Variants in CHODL observed in about 807,000 individuals in gnomAD.
CHODL encodes the protein transmembrane protein MT75.
In CHODL, 29 loss-of-function variants were observed where a neutral mutation model predicts 34.5. The ratio of observed to expected loss-of-function variants is 0.84; its 90% CI spans 0.63 to 1.15. CHODL has a LOEUF of 1.15. Ranked by LOEUF, CHODL falls within the 50% of genes most tolerant of loss-of-function variation. CHODL has a pLI of 0.00. For synonymous variants in CHODL, 125 were observed against 116.1 expected (o/e 1.08, Z -0.49); for missense variants, 332 against 332.5 (o/e 1.00, Z 0.01).
chr21:18,094,330 C>G (rs1010346913), intron 2 of CHODL, among the ~76,000 whole-genome samples: 1 of 152,106 alleles, frequency 6.6e-6, no homozygotes, highest in Non-Finnish European at 1.5e-5. Flanking sequence ...AACAAAGAAG[C>G]TTTGGACTTA....
intron 1 of CHODL, among the ~76,000 whole-genome samples, chr21:18,003,105 C>G (rs1184004766): frequency 7.0e-6 from 1 of 142,918 alleles, no homozygotes; most frequent in Admixed American, 7.2e-5. Context: ...GCCTGGGCGA[C>G]AGCGAGACTC....
In CHODL at chr21:18,003,136, C is replaced by CAAA. The variant is rs148355768; in HGVS notation, c.-144-24728_-144-24726dup. On this transcript the variant is annotated intron_variant, in intron 1 of 6. Coordinates refer to the CHODL transcript ENST00000400127. Reference sequence around the variant, plus strand: ...GACTCCGTCTCAAAAAAAAAAAAAACAAAAAAAAAACCCAAGAGCCCTGGA... The same window carrying CAAA: ...GACTCCGTCTCAAAAAAAAAAAAAACAAAAAAAAAAAAACCCAAGAGCCCTGGA... Among the ~76,000 whole-genome samples the CAAA allele has an allele frequency of 5.4e-3, 755 of 141,046 alleles. 7 individuals carry two copies. The highest frequency in any genetic ancestry group is 0.019 in the African/African-American group (730 of 38,072). The allele number at this position is 141,046 out of a possible 152,430, so 92.5% of individuals were successfully genotyped here. A position where few individuals can be genotyped will look rare whatever the true frequency, so the allele number is the denominator to read the frequency against.
At chr21:17,993,182 A>G (rs446138) in intron 1 of CHODL, among the ~76,000 whole-genome samples, 71,053 of 151,870 alleles carry the variant, frequency 0.47, 17,349 homozygotes, top group South Asian at 0.67. Flanking sequence ...TATTTCATAC[A>G]TGGCTTTTAT....
intron 1 of CHODL, among the ~76,000 whole-genome samples, chr21:17,962,996 G>A (rs111533871): frequency 0.025 from 3,804 of 151,694 alleles, 98 homozygotes; most frequent in Middle Eastern, 0.054. Context: ...CCCGGGAGGC[G>A]GAGCTTGCAG....
At chr21:18,083,714 G>T (rs1182113591) in intron 2 of CHODL, among the ~76,000 whole-genome samples, 1 of 152,186 alleles carries the variant, frequency 6.6e-6, no homozygotes, top group African/African-American at 2.4e-5. Context: ...CTTTGGACTT[G>T]CATGGGGCAT....
intron 1 of CHODL, among the ~76,000 whole-genome samples, chr21:17,977,073 C>G (rs1036912692): frequency 9.9e-5 from 15 of 152,264 alleles, no homozygotes; most frequent in African/African-American, 3.6e-4. Context: ...CAGAAGGGAT[C>G]AAGGTGGATT....
At chr21:18,020,012 A>G (rs949496828) in intron 1 of CHODL, among the ~76,000 whole-genome samples, 4 of 152,148 alleles carry the variant, frequency 2.6e-5, no homozygotes, top group Non-Finnish European at 5.9e-5. Context: ...CTCTTTCTCT[A>G]CTGGAAGGAC....
chr21:17,991,704 A>G lies in CHODL; in HGVS notation c.-144-36168A>G, dbSNP rs373427016. On this transcript the variant is annotated intron_variant, in intron 1 of 6. Coordinates refer to the CHODL transcript ENST00000400127. ...TGTGGGGAGGTGTTGAGTTGTTTGC[A>G]TTTCTTATATATTCTGAATATCAAT... Among the ~76,000 whole-genome samples the G allele has an allele frequency of 4.6e-5, 6 of 129,574 alleles. 1 individual carries two copies. Among genetic ancestry groups the G allele is most frequent in the Admixed American group, 1.6e-4 (2 of 12,210 alleles). The allele number at this position is 129,574 out of a possible 152,430, so 85.0% of individuals were successfully genotyped here. A position where few individuals can be genotyped will look rare whatever the true frequency, so the allele number is the denominator to read the frequency against.
chr21:18,091,355 C>A (rs569226709), intron 2 of CHODL, among the ~76,000 whole-genome samples: 1 of 152,156 alleles, frequency 6.6e-6, no homozygotes, highest in Non-Finnish European at 1.5e-5. Context: ...TAAGGTGGCA[C>A]GTGACCTAGG....
chr21:18,157,649 A>T (rs548308335), intron 2 of CHODL, among the ~76,000 whole-genome samples: 8 of 152,226 alleles, frequency 5.3e-5, no homozygotes, highest in African/African-American at 1.9e-4. Flanking sequence ...AAACTGTCTC[A>T]TCATCTCTAG....
chr21:18,011,803 T>C (rs1244105607), intron 1 of CHODL, among the ~76,000 whole-genome samples: 1 of 152,234 alleles, frequency 6.6e-6, no homozygotes, highest in Non-Finnish European at 1.5e-5. Context: ...AATGACACTT[T>C]GGTGAAGCAG....
chr21:18,071,723 TTCTATTACATTTC>T (rs1377336715), intron 2 of CHODL, among the ~76,000 whole-genome samples: 2 of 149,010 alleles, frequency 1.3e-5, no homozygotes, highest in African/African-American at 5.2e-5. Context: ...TCATTTCTAT[TTCTATTACATTTC>T]TATTTCTATT....
At chr21:18,143,181 C>T (rs79943493) in intron 2 of CHODL, among the ~76,000 whole-genome samples, 1,527 of 152,218 alleles carry the variant, frequency 0.01, 16 homozygotes, top group Non-Finnish European at 0.017. Context: ...TGTCAAGGCA[C>T]GAAGTGCTAG....
intron 2 of CHODL, among the ~76,000 whole-genome samples, chr21:18,047,301 G>C (rs932238345): frequency 6.6e-6 from 1 of 151,844 alleles, no homozygotes; most frequent in East Asian, 1.9e-4. Flanking sequence ...ATGATATATA[G>C]GAGGCCTGGC....
chr21:17,967,594 A>C (rs422880), intron 1 of CHODL, among the ~76,000 whole-genome samples: 2 of 151,914 alleles, frequency 1.3e-5, no homozygotes, highest in African/African-American at 4.8e-5. Context: ...AATGCCTCCT[A>C]TGTAGTAACA....
At chr21:18,192,871 A>T (rs1269724185) in intron 2 of CHODL, among the ~76,000 whole-genome samples, 1 of 151,640 alleles carries the variant, frequency 6.6e-6, no homozygotes, top group African/African-American at 2.4e-5. Context: ...AAAATTTATG[A>T]AAAGAAAAGA....
intron 2 of CHODL, among the ~76,000 whole-genome samples, chr21:18,170,497 G>A (rs2073214000): frequency 2.0e-5 from 3 of 151,784 alleles, no homozygotes; most frequent in Admixed American, 2.0e-4. Flanking sequence ...TCTATTACTG[G>A]CTTATTTGGG....
intron 2 of CHODL, among the ~76,000 whole-genome samples, chr21:18,171,987 A>G (rs1449572660): frequency 6.6e-6 from 1 of 152,068 alleles, no homozygotes; most frequent in East Asian, 1.9e-4. Flanking sequence ...TTCACTTTCT[A>G]CCTGTACAGA....
At chr21:17,990,280 T>C (rs2063786633) in intron 1 of CHODL, among the ~76,000 whole-genome samples, 1 of 152,174 alleles carries the variant, frequency 6.6e-6, no homozygotes, top group South Asian at 2.1e-4. Flanking sequence ...TGTCTTTGAC[T>C]CTCTGACTCT....
Sources: allele counts gnomAD v4.1 joint callset (sites outside exome capture counted in the v4.1 genomes callset), GRCh38; gene constraint gnomAD v4.1.1; transcripts MANE v1.5; gene names NCBI Gene and HGNC (gene_info 2026-07-23, HGNC 2026-07-21).